Variants in CAST observed in about 807,000 individuals in gnomAD.
The protein encoded by CAST is MIR583 host.
CAST carries 76 observed loss-of-function variants against 119.6 expected under a neutral mutation model. The observed-to-expected ratio is 0.64, with a 90% CI of 0.53 to 0.77. The LOEUF (loss-of-function observed/expected upper bound fraction) is 0.77. Among genes scored for constraint, CAST ranks in the 30% least tolerant of loss-of-function variants. The probability of loss-of-function intolerance (pLI) is 0.00; values close to 1 mark genes in which losing one functional copy is unlikely to be tolerated. For missense variants in CAST, 953 were observed against 946.5 expected, an observed-to-expected ratio of 1.01 and a Z score of -0.09; for synonymous variants, 319 against 331.6, an observed-to-expected ratio of 0.96 and a Z score of 0.41.
chr5:96,370,852 C>T, the CAST span, among the ~76,000 whole-genome samples: 2 of 152,188 alleles, frequency 1.3e-5, no homozygotes, highest in African/African-American at 2.4e-5. Flanking sequence ...TGTGAGTAAA[C>T]TTGAGGTGCT....
the CAST span, among the ~76,000 whole-genome samples, chr5:96,202,989 A>T: frequency 6.6e-6 from 1 of 152,066 alleles, no homozygotes; most frequent in South Asian, 2.1e-4. Flanking sequence ...AATTTCTACA[A>T]CTGAGATAAG....
the CAST span, among the ~76,000 whole-genome samples, chr5:96,422,773 T>C: frequency 6.6e-6 from 1 of 152,258 alleles, no homozygotes; most frequent in African/African-American, 2.4e-5. Context: ...TATTATATTA[T>C]AAACTTAATA....
chr5:96,529,163 T>C (rs1314411310), upstream of CAST, among the ~76,000 whole-genome samples: 1 of 152,240 alleles, frequency 6.6e-6, no homozygotes, highest in African/African-American at 2.4e-5. Context: ...CATTTTAAGC[T>C]GAGTATTTGT....
chr5:96,452,347 A>T, the CAST span, among the ~76,000 whole-genome samples: 2 of 152,128 alleles, frequency 1.3e-5, no homozygotes, highest in African/African-American at 4.8e-5. Context: ...TTTCACGGAC[A>T]TGGATGAAGC....
At chr5:96,593,206 C>T (rs1367789275) in intron 1 of CAST, among the ~76,000 whole-genome samples, 1 of 152,262 alleles carries the variant, frequency 6.6e-6, no homozygotes, top group Non-Finnish European at 1.5e-5. Context: ...CACCTGCTGT[C>T]ACCCTACGAA....
chr5:96,510,284 T>G, the CAST span, among the ~76,000 whole-genome samples: 1 of 152,182 alleles, frequency 6.6e-6, no homozygotes, highest in Middle Eastern at 3.2e-3. Context: ...TTGGAAATAG[T>G]GCATAAAAAT....
the CAST span, among the ~76,000 whole-genome samples, chr5:95,969,400 T>G: frequency 6.6e-6 from 1 of 152,002 alleles, no homozygotes; most frequent in African/African-American, 2.4e-5. Flanking sequence ...CACTTTGATT[T>G]GGGAAAGTAA....
At chr5:96,481,992 G>T in the CAST span, among the ~76,000 whole-genome samples, 1 of 152,026 alleles carries the variant, frequency 6.6e-6, no homozygotes, top group African/African-American at 2.4e-5. Flanking sequence ...CCTGGCCTTG[G>T]TGCCCCACAT....
At chr5:96,604,045 G>A (rs112183568) in intron 1 of CAST, among the ~76,000 whole-genome samples, 6,657 of 152,144 alleles carry the variant, frequency 0.044, 459 homozygotes, top group African/African-American at 0.15. Context: ...GATTACAGGC[G>A]TAAGCCACCC....
intron 1 of CAST, among the ~76,000 whole-genome samples, chr5:96,671,642 G>A (rs1280893514): frequency 2.6e-5 from 4 of 152,308 alleles, no homozygotes; most frequent in South Asian, 4.1e-4. Context: ...GCCTGGCACT[G>A]GGCCTAGCAC....
intron 3 of CAST, among the ~76,000 whole-genome samples, chr5:96,710,904 G>C (rs1581071667): frequency 6.6e-6 from 1 of 151,578 alleles, no homozygotes; most frequent in East Asian, 1.9e-4. Context: ...TGAATATTCA[G>C]AGTTTAAAAA....
At chr5:96,619,949 C>A (rs1561432613) in intron 1 of CAST, among the ~76,000 whole-genome samples, 1 of 152,336 alleles carries the variant, frequency 6.6e-6, no homozygotes, top group East Asian at 1.9e-4. Flanking sequence ...TTAAATCTCT[C>A]CAAGCTCAAG....
At chr5:96,626,515 G>C (rs183944846) in intron 1 of CAST, among the ~76,000 whole-genome samples, 1 of 151,926 alleles carries the variant, frequency 6.6e-6, no homozygotes, top group Non-Finnish European at 1.5e-5. Context: ...GCATGGATGC[G>C]CTCCCTCCTG....
At chr5:96,045,964 C>T in the CAST span, among the ~76,000 whole-genome samples, 1 of 152,050 alleles carries the variant, frequency 6.6e-6, no homozygotes, top group East Asian at 1.9e-4. Context: ...AGGGAAGTTT[C>T]CTCCCCGATT....
the CAST span, among the ~76,000 whole-genome samples, chr5:96,453,850 A>G: frequency 4.0e-4 from 61 of 152,374 alleles, no homozygotes; most frequent in African/African-American, 1.3e-3. Flanking sequence ...AGATAGACAA[A>G]GTAGCATATT....
chr5:96,656,707 G>A (rs1279997509), intron 1 of CAST, among the ~76,000 whole-genome samples: 11 of 152,170 alleles, frequency 7.2e-5, no homozygotes, highest in Non-Finnish European at 8.8e-5. Flanking sequence ...CCAGTCAACT[G>A]TGGGCTGTGG....
At chr5:96,500,266 T>A in the CAST span, among the ~76,000 whole-genome samples, 1 of 152,222 alleles carries the variant, frequency 6.6e-6, no homozygotes, top group Non-Finnish European at 1.5e-5. Flanking sequence ...AGGGTTGCCA[T>A]AAACCTTCAA....
At chr5:96,246,746 C>T in the CAST span, among the ~76,000 whole-genome samples, 1 of 152,202 alleles carries the variant, frequency 6.6e-6, no homozygotes, top group Non-Finnish European at 1.5e-5. Flanking sequence ...TGACATATTT[C>T]ACCCACTTTC....
chr5:96,535,564 ATTTTTTTTTTTT>A (rs767087154), intron 1 of CAST, among the ~76,000 whole-genome samples: 8 of 88,428 alleles, frequency 9.0e-5, no homozygotes, highest in African/African-American at 1.5e-4. Context: ...TAAATAAACA[ATTTTTTTTTTTT>A]TTTTTTTTTT....
Sources: allele counts gnomAD v4.1 joint callset (sites outside exome capture counted in the v4.1 genomes callset), GRCh38; gene constraint gnomAD v4.1.1; transcripts MANE v1.5; gene names NCBI Gene and HGNC (gene_info 2026-07-23, HGNC 2026-07-21).